The following PFKFB3 variants were observed in gnomAD, a reference collection of about 807,000 sequenced individuals.
PFKFB3 encodes 6-phosphofructo-2-kinase/fructose-2,6-bisphosphatase 3.
A neutral mutation model predicts 68.0 loss-of-function variants in PFKFB3; 33 were observed. The observed-to-expected ratio is 0.49, with a 90% CI of 0.37 to 0.65. The LOEUF is 0.65. Ranked by LOEUF, PFKFB3 falls within the 30% of genes least tolerant of loss-of-function variation. The probability of loss-of-function intolerance (pLI) is 0.00; values close to 1 mark genes in which losing one functional copy is unlikely to be tolerated. For synonymous variants in PFKFB3, 315 were observed against 288.2 expected (o/e 1.09, Z -0.94); for missense variants, 586 against 712.2 (o/e 0.82, Z 2.02).
chr10:6,151,292 G>C (rs1290133273), intron 1 of PFKFB3, among the ~76,000 whole-genome samples: 1 of 152,136 alleles, frequency 6.6e-6, no homozygotes, highest in Non-Finnish European at 1.5e-5. Flanking sequence ...AGCGGGGTTT[G>C]GTCGTCCTGG....
At chr10:6,227,830 G>C (rs1845456570) in intron 14 of PFKFB3, among the ~76,000 whole-genome samples, 1 of 152,180 alleles carries the variant, frequency 6.6e-6, no homozygotes, top group South Asian at 2.1e-4. Context: ...CAGATCTGAG[G>C]GTTTTTATGA....
Position 6,221,563 on chromosome 10 carries a change from C to T in PFKFB3, c.978+36C>T, listed in dbSNP as rs113900127. ...GGAGGCGGGCAGGCAGCCTCACCCT[C>T]GGGCATGGGGCGGCTTCCCAAGAGG... is the stretch of plus-strand genomic sequence containing the variant. On this transcript the variant is annotated intron_variant, in intron 9 of 14. Coordinates refer to ENST00000379775, the MANE Select transcript of PFKFB3 (RefSeq NM_004566.4). 660 of 1,612,030 alleles carry T rather than the reference C, an allele frequency of 4.1e-4. 3 individuals are homozygous for T. Among genetic ancestry groups the T allele is most frequent in the African/African-American group, 3.1e-3 (232 of 75,004 alleles).
chr10:6,217,053 T>C, intron 5 of PFKFB3, 82 bp from the exon 6 acceptor site: 1 of 1,390,180 alleles, frequency 7.2e-7, no homozygotes, highest in Non-Finnish European at 1.0e-6. Flanking sequence ...TTCCGCCTTG[T>C]CCGGGTGATG....
Position 6,182,282 on chromosome 10 carries a change from G to A in PFKFB3, c.17-31341G>A, listed in dbSNP as rs551687815. On this transcript the variant is annotated intron_variant, in intron 1 of 14. Transcript: ENST00000379789. ...GCATCCCCCCAACATTCACACAGAA[G>A]CACGCACACACACACCCCTTGAGGT... Among the ~76,000 whole-genome samples the A allele has an allele frequency of 2.6e-5, 4 of 152,026 alleles. No individual in the cohort carries two copies. The South Asian group carries it at 8.3e-4, about 32-fold the overall frequency.
chr10:6,302,701 C>G, the PFKFB3 span, among the ~76,000 whole-genome samples: 1 of 150,930 alleles, frequency 6.6e-6, no homozygotes, highest in African/African-American at 2.4e-5. Flanking sequence ...TTTTTCTATA[C>G]CTATCTTCCT....
chr10:6,263,457 T>C, the PFKFB3 span, among the ~76,000 whole-genome samples: 13 of 152,248 alleles, frequency 8.5e-5, no homozygotes, highest in Admixed American at 8.5e-4. Context: ...GGCCAGTTTA[T>C]GGCCAGATTT....
At chr10:6,277,203 T>TTTCC in the PFKFB3 span, among the ~76,000 whole-genome samples, 1 of 151,770 alleles carries the variant, frequency 6.6e-6, no homozygotes, top group Admixed American at 6.6e-5. Flanking sequence ...GATGGTTTCT[T>TTTCC]TTTCTTTCTT....
At chr10:6,153,204 T>G (rs12219854) in intron 1 of PFKFB3, among the ~76,000 whole-genome samples, 30 of 80,140 alleles carry the variant, frequency 3.7e-4, no homozygotes, top group African/African-American at 8.5e-4. Context: ...AAGAAAGAAA[T>G]AAGAACAGAG....
intron 1 of PFKFB3, among the ~76,000 whole-genome samples, chr10:6,210,351 TTTTTGTTTTTTTG>T (rs1564623200): frequency 7.7e-5 from 1 of 12,928 alleles, no homozygotes; most frequent in Non-Finnish European, 1.1e-3. Context: ...TTTTTGTTTT[TTTTTGTTTTTTTG>T]TTTTTTTTTT....
chr10:6,225,280 C>T (rs564499912), intron 13 of PFKFB3: 135 of 448,824 alleles, frequency 3.0e-4, no homozygotes, highest in African/African-American at 2.3e-3. Context: ...GCTTGGCCTT[C>T]GGATTTTGGC....
intron 14 of PFKFB3, among the ~76,000 whole-genome samples, chr10:6,250,656 TAAAGGGCCTTGATGGAGAG>T (rs1846361373): frequency 1.3e-5 from 2 of 151,922 alleles, no homozygotes; most frequent in South Asian, 4.2e-4. Flanking sequence ...AGGTACCCTA[TAAAGGGCCTTGATGGAGAG>T]ATTGGCTCCC....
chr10:6,162,158 C>T lies in PFKFB3; in HGVS notation c.16+17145C>T, dbSNP rs552201498. ...ACAACATTTGTCTGTTTGTGCCTGG[C>T]CTATTTCACTTAGCATCAAGTGCTC... On this transcript the variant is annotated intron_variant, in intron 1 of 14. Transcript: ENST00000379789. Among the ~76,000 whole-genome samples, 4 of 152,322 alleles carry T rather than the reference C, an allele frequency of 2.6e-5. 1 individual carries two copies. In the South Asian group the frequency reaches 6.2e-4, roughly 24 times the overall value.
chr10:6,235,771 C>CTTTTTTTT (rs55776515), downstream of PFKFB3, among the ~76,000 whole-genome samples: 2 of 135,366 alleles, frequency 1.5e-5, no homozygotes, highest in Non-Finnish European at 1.6e-5. Context: ...TCTTTTTTTT[C>CTTTTTTTT]TTTTTTTTTT....
At chr10:6,151,862 G>A (rs1841599550) in intron 1 of PFKFB3, among the ~76,000 whole-genome samples, 1 of 152,100 alleles carries the variant, frequency 6.6e-6, no homozygotes, top group Non-Finnish European at 1.5e-5. Flanking sequence ...TGGCTGTCGG[G>A]CGGCAGGCAC....
At chr10:6,146,854 T>C (rs754803037) in intron 1 of PFKFB3, among the ~76,000 whole-genome samples, 1 of 152,254 alleles carries the variant, frequency 6.6e-6, no homozygotes, top group African/African-American at 2.4e-5. Flanking sequence ...TTATTATCAT[T>C]GTTTAATCTG....
At chr10:6,195,558 A>ACT (rs1843155267) in intron 1 of PFKFB3, among the ~76,000 whole-genome samples, 1 of 152,192 alleles carries the variant, frequency 6.6e-6, no homozygotes, top group African/African-American at 2.4e-5. Flanking sequence ...CAGGACTCAG[A>ACT]CTTTCCTCTA....
chr10:6,228,751 C>T lies in PFKFB3; in HGVS notation c.1515+2386C>T, dbSNP rs1170357960. On this transcript the variant is annotated intron_variant, in intron 14 of 14. Coordinates refer to ENST00000379775, the MANE Select transcript of PFKFB3 (RefSeq NM_004566.4). This position sits in a 1 kb window ranked among gnomAD's most constrained non-coding sequence, Gnocchi z 4.5. ...CCTCCCCATGAGGACCCCCCACACC[C>T]CAAAAGAGCTCCGAGTGGAGACCCT... is the stretch of plus-strand genomic sequence containing the variant. Among the ~76,000 whole-genome samples, 2 of 152,188 alleles carry T rather than the reference C, an allele frequency of 1.3e-5. No individual in the cohort carries two copies. The highest frequency in any genetic ancestry group is 2.9e-5 in the Non-Finnish European group (2 of 68,028).
At chr10:6,304,388 T>C in the PFKFB3 span, among the ~76,000 whole-genome samples, 1 of 151,664 alleles carries the variant, frequency 6.6e-6, no homozygotes, top group African/African-American at 2.4e-5. Flanking sequence ...AGAATCCATC[T>C]ATCTTTCTGT....
At chr10:6,226,073 C>A (rs1845327514) in intron 13 of PFKFB3, 119 bp from the exon 14 acceptor site, 1 of 897,910 alleles carries the variant, frequency 1.1e-6, no homozygotes, top group African/African-American at 1.7e-5. Flanking sequence ...CCGGCCACTC[C>A]CCTCGGTCAG....
Sources: allele counts gnomAD v4.1 joint callset (sites outside exome capture counted in the v4.1 genomes callset), GRCh38; gene constraint gnomAD v4.1.1; non-coding constraint Gnocchi (gnomAD v3.1); transcripts MANE v1.5; gene names NCBI Gene and HGNC (gene_info 2026-07-23, HGNC 2026-07-21).